The following EPHA5 variants were observed in gnomAD, a reference collection of about 807,000 sequenced individuals.
EPHA5 encodes the protein EPH receptor A5.
In EPHA5, 60 loss-of-function variants were observed where a neutral mutation model predicts 105.0. The ratio of observed to expected loss-of-function variants is 0.57; its 90% CI spans 0.46 to 0.71. The LOEUF is 0.71. Ranked by LOEUF, EPHA5 falls within the 30% of genes least tolerant of loss-of-function variation. The pLI is 0.00. For missense variants in EPHA5, 1,218 were observed against 1,274.7 expected, an observed-to-expected ratio of 0.96 and a Z score of 0.68; for synonymous variants, 513 against 449.1, an observed-to-expected ratio of 1.14 and a Z score of -1.80.
At chr4:65,370,221 A>T (rs981719596) in intron 8 of EPHA5, among the ~76,000 whole-genome samples, 1 of 152,148 alleles carries the variant, frequency 6.6e-6, no homozygotes, top group Non-Finnish European at 1.5e-5. Context: ...GAGGGAAGAA[A>T]CAAATACATT....
At chr4:65,625,628 A>G (rs949716121) in intron 2 of EPHA5, among the ~76,000 whole-genome samples, 3 of 152,242 alleles carry the variant, frequency 2.0e-5, no homozygotes, top group Non-Finnish European at 4.4e-5. Flanking sequence ...AAGAACATGG[A>G]AAAAATGAAC....
chr4:65,644,909 T>C (rs1747985954), intron 1 of EPHA5, among the ~76,000 whole-genome samples: 1 of 152,040 alleles, frequency 6.6e-6, no homozygotes, highest in Admixed American at 6.6e-5. Flanking sequence ...TTTTCTGAGC[T>C]CATTAACTAT....
chr4:65,365,689 A>G (rs9312143), intron 10 of EPHA5, among the ~76,000 whole-genome samples: 1 of 93,814 alleles, frequency 1.1e-5, no homozygotes, highest in Non-Finnish European at 2.4e-5. Context: ...ATATATATAT[A>G]GTGAAACATT....
chr4:65,599,752 T>C (rs1288665836), intron 3 of EPHA5, among the ~76,000 whole-genome samples: 2 of 152,178 alleles, frequency 1.3e-5, no homozygotes, highest in Non-Finnish European at 2.9e-5. Flanking sequence ...TAATCCAATG[T>C]CCATCAATTA....
At position 65,365,670 on chromosome 4, in the gene EPHA5, TA is replaced by T. The variant is rs1560458028; in HGVS notation, c.1987+261del. Reference sequence around the variant, plus strand: ...TTCACTATATATATATATATATATATATATATATATATATATATAGTGAAAC... The same window carrying T: ...TTCACTATATATATATATATATATATTATATATATATATATATAGTGAAAC... On this transcript the variant is annotated intron_variant, in intron 10 of 16. Transcript: ENST00000613740. Among the ~76,000 whole-genome samples, 397 of 102,890 alleles carry T rather than the reference TA, an allele frequency of 3.9e-3. 20 individuals are homozygous for T. The highest frequency in any genetic ancestry group is 8.4e-3 in the Admixed American group (85 of 10,108). 67.5% of individuals were successfully genotyped at this position (102,890 alleles called of 152,430 possible).
intron 3 of EPHA5, among the ~76,000 whole-genome samples, chr4:65,518,658 G>C (rs1734352712): frequency 6.6e-6 from 1 of 151,924 alleles, no homozygotes; most frequent in Non-Finnish European, 1.5e-5. Flanking sequence ...ATGTACCCTA[G>C]GACAGGAAAT....
chr4:65,331,155 A>G (rs1255667866), intron 16 of EPHA5: 3 of 1,031,408 alleles, frequency 2.9e-6, no homozygotes, highest in Non-Finnish European at 3.5e-6. Context: ...TTGGCAGGTA[A>G]TTTGAAGTAA....
At chr4:65,564,921 T>A (rs1157468203) in intron 3 of EPHA5, among the ~76,000 whole-genome samples, 2 of 151,748 alleles carry the variant, frequency 1.3e-5, no homozygotes, top group Non-Finnish European at 3.0e-5. Context: ...TCACTGTTAA[T>A]TTATGACCTA....
At chr4:65,462,972 A>G (rs1728267281) in intron 5 of EPHA5, among the ~76,000 whole-genome samples, 1 of 152,194 alleles carries the variant, frequency 6.6e-6, no homozygotes, top group Admixed American at 6.5e-5. Flanking sequence ...TCTCTAAAGA[A>G]ATTTATGATT....
chr4:65,471,715 A>G (rs1233924194), intron 5 of EPHA5, among the ~76,000 whole-genome samples: 2 of 152,202 alleles, frequency 1.3e-5, no homozygotes. Context: ...ATCTCATGAT[A>G]GATTTTTCAT....
chr4:65,587,654 A>G (rs1436919088), intron 3 of EPHA5, among the ~76,000 whole-genome samples: 1 of 152,166 alleles, frequency 6.6e-6, no homozygotes, highest in African/African-American at 2.4e-5. Context: ...CTATTCATAG[A>G]GCCTAATTAT....
At chr4:65,593,600 T>C (rs1010248237) in intron 3 of EPHA5, among the ~76,000 whole-genome samples, 3 of 152,198 alleles carry the variant, frequency 2.0e-5, no homozygotes, top group Non-Finnish European at 2.9e-5. Context: ...TGCCGGTCCA[T>C]GTATCATTTC....
At chr4:65,332,648 G>T (rs1205961491) in intron 15 of EPHA5, among the ~76,000 whole-genome samples, 41 of 151,668 alleles carry the variant, frequency 2.7e-4, no homozygotes, top group Non-Finnish European at 1.5e-4. Flanking sequence ...CATATGTGTA[G>T]GGTAAGGAGT....
chr4:65,468,600 ATATTATATATAT>A (rs1294157047), intron 5 of EPHA5, among the ~76,000 whole-genome samples: 119 of 8,386 alleles, frequency 0.014, no homozygotes, highest in African/African-American at 0.023. Context: ...TATAATATAT[ATATTATATATAT>A]TATATATATA....
intron 13 of EPHA5, 131 bp downstream of exon 13, chr4:65,351,258 C>G: frequency 4.1e-6 from 3 of 736,302 alleles, no homozygotes; most frequent in South Asian, 2.9e-5. Context: ...TTTCTCTCTC[C>G]CTCTCCCCCT....
intron 3 of EPHA5, among the ~76,000 whole-genome samples, chr4:65,527,423 C>T (rs1457045111): frequency 5.9e-5 from 9 of 152,014 alleles, no homozygotes. Flanking sequence ...TAGCGATAGA[C>T]ACACACAGAG....
chr4:65,526,170 T>C (rs945700718), intron 3 of EPHA5, among the ~76,000 whole-genome samples: 27 of 152,032 alleles, frequency 1.8e-4, no homozygotes, highest in South Asian at 4.1e-4. Context: ...ACAATTCTAA[T>C]AGTAAAAAGG....
At chr4:65,430,760 TAG>T (rs945400312) in intron 5 of EPHA5, among the ~76,000 whole-genome samples, 1 of 152,156 alleles carries the variant, frequency 6.6e-6, no homozygotes, top group African/African-American at 2.4e-5. Flanking sequence ...TAGCTCTAAA[TAG>T]AGTGTTACAT....
At chr4:65,341,345 T>G (rs1721698510) in intron 14 of EPHA5, among the ~76,000 whole-genome samples, 1 of 151,978 alleles carries the variant, frequency 6.6e-6, no homozygotes, top group Admixed American at 6.6e-5. Flanking sequence ...TTAAGTATTT[T>G]TGTCATGAAA....
Sources: gnomAD v4.1 joint callset for allele counts (sites outside exome capture counted in the v4.1 genomes callset) on GRCh38, gnomAD v4.1.1 for gene constraint, MANE v1.5 for transcripts, NCBI Gene and HGNC (gene_info 2026-07-23, HGNC 2026-07-21) for gene names.